Variants in PRH1 observed in about 807,000 individuals in gnomAD.
PRH1 encodes proline rich protein HaeIII subfamily 1.
In PRH1, 7 loss-of-function variants were observed where a neutral mutation model predicts 7.9. The ratio of observed to expected loss-of-function variants is 0.89; its 90% CI spans 0.50 to 1.67. PRH1 has a LOEUF of 1.67. Ranked by LOEUF, PRH1 falls within the 40% of genes most tolerant of loss-of-function variation. The pLI, the probability that PRH1 is intolerant of heterozygous loss-of-function variation, is 0.00. For synonymous variants in PRH1, 45 were observed against 80.8 expected, an observed-to-expected ratio of 0.56 and a Z score of 2.38; for missense variants, 109 against 223.6, an observed-to-expected ratio of 0.49 and a Z score of 3.27.
chr12:10,882,301 C>T lies in PRH1; in HGVS notation c.498G>A (p.Lys166=), dbSNP rs1949414465. 1 of 1,610,426 alleles carries T rather than the reference C, an allele frequency of 6.2e-7. No individual in the cohort carries two copies. The change falls in exon 3 of 4, where the codon AAG becomes AAA. Residue 166 remains lysine (K), a synonymous_variant. Coordinates refer to ENST00000543626, the MANE Select transcript of PRH1 (RefSeq NM_001393989.1). The stretch of plus-strand genomic sequence containing the variant: ...CCCCTTGGGGAGGTGGTCCCTGGGG[C>T]TTTCCAGGAGGAGGTGGGGGAGGAC... ...QQGPPPPPPG[K]PQGPPPQGGR... is the part of the protein sequence containing the mutation.
chr12:10,983,969 T>C (rs1939483937), intron 1 of PRH1, among the ~76,000 whole-genome samples: 1 of 152,226 alleles, frequency 6.6e-6, no homozygotes, highest in South Asian at 2.1e-4. Context: ...AGTGTTATAA[T>C]TGTTATTTAT....
At chr12:11,040,053 T>C (rs1942641039) in intron 1 of PRH1, among the ~76,000 whole-genome samples, 2 of 152,194 alleles carry the variant, frequency 1.3e-5, no homozygotes, top group African/African-American at 2.4e-5. Context: ...ATATTTATTG[T>C]TTAATTAAAA....
intron 1 of PRH1, among the ~76,000 whole-genome samples, chr12:11,013,306 A>G (rs930672259): frequency 1.4e-4 from 21 of 152,284 alleles, no homozygotes; most frequent in South Asian, 4.1e-4. Context: ...ACTGACATTG[A>G]TGGTAATTGA....
At chr12:11,023,506 T>C (rs1368699049) in intron 1 of PRH1, among the ~76,000 whole-genome samples, 3 of 152,210 alleles carry the variant, frequency 2.0e-5, no homozygotes, top group Non-Finnish European at 4.4e-5. Context: ...CTACTCTTTG[T>C]CACATAATCC....
upstream of PRH1, chr12:11,049,031 T>C: frequency 3.2e-6 from 1 of 308,204 alleles, no homozygotes; most frequent in Admixed American, 3.8e-5. Flanking sequence ...CTAATCTATG[T>C]GAAGCCAAAT....
At chr12:11,124,848 A>AT (rs879854760) in intron 1 of PRH1, among the ~76,000 whole-genome samples, 40 of 148,800 alleles carry the variant, frequency 2.7e-4, no homozygotes, top group South Asian at 6.4e-4. Flanking sequence ...TGGATTTACG[A>AT]TTTTTTTTTT....
At position 10,955,607 on chromosome 12, in the gene PRH1, T is replaced by TA. The variant is rs1401365582; in HGVS notation, c.-59+18047dup. On this transcript the variant is annotated intron_variant, in intron 2 of 3. Transcript: ENST00000539853. ...GAGCTGAACTGAAGGAAATTGTGAT[T>TA]AAAAAAAACATACAAAAGGTCAGTG... 3.3e-5 allele frequency among the ~76,000 whole-genome samples: 5 copies of TA among 151,738 alleles called. No homozygotes were observed. The South Asian group carries it at 8.3e-4, about 25-fold the overall frequency.
intron 1 of PRH1, among the ~76,000 whole-genome samples, chr12:11,041,217 A>G (rs537024346): frequency 1.3e-4 from 19 of 150,272 alleles, no homozygotes; most frequent in Non-Finnish European, 1.6e-4. Flanking sequence ...TAAGAAACAC[A>G]CTTTGCCTAT....
chr12:11,133,332 TTCTG>T (rs1289712464), intron 1 of PRH1: 14 of 1,613,898 alleles, frequency 8.7e-6, no homozygotes, highest in Non-Finnish European at 1.1e-5. Flanking sequence ...AGACGAAGGC[TTCTG>T]TCTTTCACCC....
chr12:11,028,995 A>G (rs1209953381), intron 1 of PRH1, among the ~76,000 whole-genome samples: 1 of 152,290 alleles, frequency 6.6e-6, no homozygotes, highest in East Asian at 1.9e-4. Flanking sequence ...TTTGTTCATT[A>G]AAGTATCATT....
chr12:10,890,910 C>A (rs1949564083), intron 2 of PRH1, among the ~76,000 whole-genome samples: 1 of 151,762 alleles, frequency 6.6e-6, no homozygotes, highest in Non-Finnish European at 1.5e-5. Context: ...TTTGTATTTC[C>A]TCACATGCTA....
intron 1 of PRH1, among the ~76,000 whole-genome samples, chr12:11,063,951 C>G (rs1943709771): frequency 1.3e-5 from 2 of 152,020 alleles, no homozygotes; most frequent in African/African-American, 4.8e-5. Flanking sequence ...TGAGACATAT[C>G]TCCTAATTAA....
rs559744640 is a variant in PRH1 at position 10,882,793 on chromosome 12, G to C, written c.101-95C>G. ...TTCACCACACGGCCGGCCCCTCTCT[G>C]CCTGACCTGCCTCTCAACTCCCAAC... On this transcript the variant is annotated intron_variant, in intron 2 of 3. Coordinates refer to ENST00000543626, the MANE Select transcript of PRH1 (RefSeq NM_001393989.1). 2.4e-4 allele frequency: 367 copies of C among 1,557,612 alleles called. 5 individuals carry two copies. In the African/African-American group the frequency reaches 3.6e-3, roughly 15 times the overall value.
At chr12:11,000,912 T>C (rs1322319862) in intron 1 of PRH1, among the ~76,000 whole-genome samples, 1 of 152,142 alleles carries the variant, frequency 6.6e-6, no homozygotes, top group Non-Finnish European at 1.5e-5. Flanking sequence ...TTGTTCTCCT[T>C]CTATAAATCA....
At chr12:11,131,576 AATAC>A (rs1294505808) in intron 1 of PRH1, among the ~76,000 whole-genome samples, 1 of 152,296 alleles carries the variant, frequency 6.6e-6, no homozygotes, top group Non-Finnish European at 1.5e-5. Flanking sequence ...AATAGAAAAA[AATAC>A]ATACGCAAAT....
intron 1 of PRH1, among the ~76,000 whole-genome samples, chr12:11,052,792 AT>A (rs1293290596): frequency 6.6e-6 from 1 of 151,850 alleles, no homozygotes; most frequent in Non-Finnish European, 1.5e-5. Flanking sequence ...CTGATATTTC[AT>A]TTTTTTAGTC....
chr12:11,020,403 T>G (rs1941557689), intron 1 of PRH1, among the ~76,000 whole-genome samples: 1 of 66,800 alleles, frequency 1.5e-5, no homozygotes, highest in African/African-American at 3.8e-5. Flanking sequence ...TCTATAGATA[T>G]AGATATAGAT....
intron 1 of PRH1, among the ~76,000 whole-genome samples, chr12:11,033,833 T>C (rs1289852949): frequency 6.6e-6 from 1 of 152,130 alleles, no homozygotes; most frequent in African/African-American, 2.4e-5. Context: ...AAAGTTATAA[T>C]GCGCACTTAG....
intron 1 of PRH1, among the ~76,000 whole-genome samples, chr12:11,171,034 C>G (rs1947819834): frequency 6.6e-6 from 1 of 152,234 alleles, no homozygotes. Context: ...TTACATCTCG[C>G]TTAGATTTTT....
Sources: gnomAD v4.1 joint callset for allele counts (sites outside exome capture counted in the v4.1 genomes callset) on GRCh38, gnomAD v4.1.1 for gene constraint, MANE v1.5 for transcripts, NCBI Gene and HGNC (gene_info 2026-07-23, HGNC 2026-07-21) for gene names.